The following ATF7IP variants were observed in gnomAD, a reference collection of about 807,000 sequenced individuals.
The protein encoded by ATF7IP is activating transcription factor 7-interacting protein 1.
Under a neutral mutation model 106.4 loss-of-function variants are expected in ATF7IP, and 23 were observed. The observed-to-expected ratio is 0.22, with a 90% CI of 0.16 to 0.31. ATF7IP has a LOEUF of 0.31. Among genes scored for constraint, ATF7IP ranks in the 10% least tolerant of loss-of-function variants. The probability of loss-of-function intolerance (pLI) is 1.00; values close to 1 mark genes in which losing one functional copy is unlikely to be tolerated. For missense variants in ATF7IP, 1,334 were observed against 1,524.3 expected (o/e 0.88, Z 2.08); for synonymous variants, 542 against 539.0 (o/e 1.01, Z -0.08).
At position 14,481,053 on chromosome 12, in the gene ATF7IP, A is replaced by G; in HGVS notation, c.3148A>G (p.Arg1050Gly). 1.2e-6 allele frequency: 2 copies of G among 1,614,050 alleles called. No homozygotes were observed. Among genetic ancestry groups the G allele is most frequent in the East Asian group, 4.5e-5 (2 of 44,874 alleles). Reference protein sequence around the residue: ...THRPVTQVTTRLPVPRAPANH... With the variant: ...THRPVTQVTTGLPVPRAPANH... ...TCGTCCAGTAACTCAGGTGACCACA[A>G]GACTCCCTGTACCAAGAGCTCCTGC... The change falls in exon 13 of 15, where the codon AGA (arginine) becomes GGA (glycine). Residue 1050 changes from arginine to glycine, a missense_variant. Physicochemically the swap from Arg to Gly is moderately radical, Grantham distance 125. Around this residue, in one of 10 missense-constraint regions of ATF7IP, gnomAD observed 370 missense variants for 401.2 expected, o/e 0.92. Transcript: ENST00000261168.
intron 1 of ATF7IP, among the ~76,000 whole-genome samples, chr12:14,416,259 G>C (rs117493524): frequency 0.015 from 2,019 of 138,198 alleles, 20 homozygotes; most frequent in Admixed American, 0.023. Context: ...GAAATTATCA[G>C]CATAAAGTGA....
chr12:14,442,860 A>G (rs1942774727), intron 5 of ATF7IP, among the ~76,000 whole-genome samples: 1 of 152,160 alleles, frequency 6.6e-6, no homozygotes, highest in South Asian at 2.1e-4. Flanking sequence ...TTGTATACAA[A>G]AAGGAAGCAG....
rs1394271594 is a variant in ATF7IP at position 14,475,557 on chromosome 12, A to G, written c.2863-333A>G. Among the ~76,000 whole-genome samples, 5 of 152,200 alleles carry G rather than the reference A, an allele frequency of 3.3e-5. No homozygotes were observed. In the South Asian group the frequency reaches 6.2e-4, roughly 19 times the overall value. On this transcript the variant is annotated intron_variant, in intron 10 of 14. Transcript: ENST00000261168. Reference sequence around the variant, plus strand: ...GGTGTTGTGGTAGATTAATATTGATAATTTAGAGTAGTATTGATCAACATT... The same window carrying G: ...GGTGTTGTGGTAGATTAATATTGATGATTTAGAGTAGTATTGATCAACATT...
chr12:14,494,299 A>ATATATG (rs1944927817), intron 13 of ATF7IP, among the ~76,000 whole-genome samples: 8 of 72,078 alleles, frequency 1.1e-4, no homozygotes, highest in Non-Finnish European at 2.0e-4. Flanking sequence ...ATATATATAT[A>ATATATG]TATATATATA....
chr12:14,404,146 T>TC (rs397958364), intron 1 of ATF7IP, among the ~76,000 whole-genome samples: 1 of 146,392 alleles, frequency 6.8e-6, no homozygotes, highest in African/African-American at 2.5e-5. Flanking sequence ...TTTTTTTTTT[T>TC]CCAGTGCTAA....
rs542715435 is a variant in ATF7IP at position 14,451,692 on chromosome 12, T to G, written c.1995+4639T>G. On this transcript the variant is annotated intron_variant, in intron 6 of 14. Coordinates refer to ENST00000261168, the MANE Select transcript of ATF7IP (RefSeq NM_018179.5). ...TCCTACTTTTCTTCTGCTGTTGACG[T>G]CAAGTTTCATTCCATTATTGTCAGA... Among the ~76,000 whole-genome samples the G allele has an allele frequency of 1.0e-3, 152 of 152,302 alleles. 1 individual carries two copies. Among genetic ancestry groups the G allele is most frequent in the South Asian group, 4.1e-3 (20 of 4,828 alleles).
chr12:14,480,961 G>T, intron 12 of ATF7IP, 42 bp from the exon 13 acceptor site: 1 of 1,578,900 alleles, frequency 6.3e-7, no homozygotes. Flanking sequence ...GCTTAACGTA[G>T]AATTTACTGT....
At chr12:14,462,276 C>T (rs745571812) in intron 9 of ATF7IP, among the ~76,000 whole-genome samples, 1 of 151,908 alleles carries the variant, frequency 6.6e-6, no homozygotes, top group African/African-American at 2.4e-5. Flanking sequence ...TTTGGATATT[C>T]TTTCATGTTT....
intron 5 of ATF7IP, among the ~76,000 whole-genome samples, chr12:14,441,154 G>A (rs1942674208): frequency 6.6e-6 from 1 of 152,178 alleles, no homozygotes; most frequent in South Asian, 2.1e-4. Flanking sequence ...GAATCACCCA[G>A]CTGTTGTCCA....
At chr12:14,458,091 C>G (rs1455922227) in intron 8 of ATF7IP, among the ~76,000 whole-genome samples, 3 of 150,108 alleles carry the variant, frequency 2.0e-5, no homozygotes, top group Non-Finnish European at 4.4e-5. Context: ...GTGGGACTTC[C>G]TCTCAAAAAA....
At chr12:14,422,378 A>T (rs73304283) in intron 1 of ATF7IP, among the ~76,000 whole-genome samples, 4,767 of 151,050 alleles carry the variant, frequency 0.032, 248 homozygotes, top group African/African-American at 0.11. Flanking sequence ...TTATTTTGAA[A>T]TTTTTTTGTA....
intron 13 of ATF7IP, among the ~76,000 whole-genome samples, chr12:14,495,437 G>T (rs959815931): frequency 6.6e-6 from 1 of 152,206 alleles, no homozygotes; most frequent in East Asian, 1.9e-4. Flanking sequence ...ACTCTCTCAA[G>T]TTTACAAGAG....
At chr12:14,474,403 A>ATTT (rs764191499) in intron 10 of ATF7IP, among the ~76,000 whole-genome samples, 1 of 129,054 alleles carries the variant, frequency 7.7e-6, no homozygotes, top group African/African-American at 2.8e-5. Context: ...AATTCTTTGA[A>ATTT]TTTTTTTTTT....
intron 5 of ATF7IP, among the ~76,000 whole-genome samples, chr12:14,441,325 A>G (rs1942684464): frequency 6.6e-6 from 1 of 152,136 alleles, no homozygotes; most frequent in Non-Finnish European, 1.5e-5. Flanking sequence ...CATTTCCCTA[A>G]TGATAAATGA....
At chr12:14,486,887 C>A (rs142165091) in intron 13 of ATF7IP, among the ~76,000 whole-genome samples, 1 of 152,134 alleles carries the variant, frequency 6.6e-6, no homozygotes, top group African/African-American at 2.4e-5. Context: ...TTCAAAGATA[C>A]AAGTGCTGCC....
intron 10 of ATF7IP, among the ~76,000 whole-genome samples, chr12:14,473,610 C>T (rs1327386956): frequency 2.0e-5 from 3 of 151,942 alleles, no homozygotes; most frequent in Admixed American, 2.0e-4. Flanking sequence ...CTTATGTTTA[C>T]CTTTTCTGGT....
chr12:14,491,306 CGTT>C (rs1177516559), intron 13 of ATF7IP, among the ~76,000 whole-genome samples: 16 of 152,286 alleles, frequency 1.1e-4, no homozygotes, highest in Admixed American at 7.8e-4. Flanking sequence ...GTCCACTAGA[CGTT>C]GTGCTTATTT....
At chr12:14,375,603 T>G (rs1938707748) in intron 1 of ATF7IP, among the ~76,000 whole-genome samples, 1 of 151,978 alleles carries the variant, frequency 6.6e-6, no homozygotes, top group South Asian at 2.1e-4. Flanking sequence ...CTAAAATCAG[T>G]TAGTTATACA....
At chr12:14,496,055 T>C (rs1427535745) in intron 13 of ATF7IP, among the ~76,000 whole-genome samples, 176 bp from the exon 14 acceptor site, 1 of 152,224 alleles carries the variant, frequency 6.6e-6, no homozygotes, top group East Asian at 1.9e-4. Context: ...AAAGTTTTTT[T>C]ATCCACAGGC....
Sources: allele counts gnomAD v4.1 joint callset (sites outside exome capture counted in the v4.1 genomes callset), GRCh38; gene constraint gnomAD v4.1.1; regional missense constraint gnomAD v4.1.1; transcripts MANE v1.5; gene names NCBI Gene and HGNC (gene_info 2026-07-23, HGNC 2026-07-21).